The following STRN variants were observed in gnomAD, a reference collection of about 807,000 sequenced individuals.
The protein encoded by STRN is protein phosphatase 2 regulatory subunit B'''alpha.
In STRN, 53 loss-of-function variants were observed where a neutral mutation model predicts 96.3. That is an observed-to-expected ratio of 0.55 (90% CI 0.44 to 0.69). STRN has a LOEUF of 0.69. Among genes scored for constraint, STRN ranks in the 30% least tolerant of loss-of-function variants. STRN has a pLI of 0.00. For synonymous variants in STRN, 428 were observed against 355.9 expected (o/e 1.20, Z -2.28); for missense variants, 987 against 963.9 (o/e 1.02, Z -0.32).
chr2:36,880,636 A>C (rs949162703), intron 9 of STRN, among the ~76,000 whole-genome samples: 1 of 152,182 alleles, frequency 6.6e-6, no homozygotes, highest in Non-Finnish European at 1.5e-5. Context: ...ACATTTACTA[A>C]TGAAGAATAG....
At chr2:36,894,964 T>C (rs1303376270) in intron 6 of STRN, among the ~76,000 whole-genome samples, 1 of 152,104 alleles carries the variant, frequency 6.6e-6, no homozygotes, top group Non-Finnish European at 1.5e-5. Context: ...AAGAAGCCAC[T>C]ACCAACAGAA....
At chr2:36,960,246 T>C (rs1261327003) in intron 1 of STRN, among the ~76,000 whole-genome samples, 1 of 152,240 alleles carries the variant, frequency 6.6e-6, no homozygotes, top group Admixed American at 6.5e-5. Context: ...GAAAAGTTTA[T>C]ATGAATTTCA....
intron 10 of STRN, among the ~76,000 whole-genome samples, chr2:36,873,181 G>A (rs1440909673): frequency 1.3e-5 from 2 of 152,310 alleles, no homozygotes; most frequent in South Asian, 4.1e-4. Context: ...GGAATAAAGC[G>A]ATCCCAGATC....
intron 9 of STRN, 114 bp downstream of exon 9, chr2:36,883,818 G>T (rs1056097446): frequency 1.9e-6 from 2 of 1,049,436 alleles, no homozygotes; most frequent in African/African-American, 1.6e-5. Flanking sequence ...AAACTATGCA[G>T]ATCAAACATC....
At chr2:36,892,776 C>A (rs1669433733) in intron 7 of STRN, among the ~76,000 whole-genome samples, 1 of 152,074 alleles carries the variant, frequency 6.6e-6, no homozygotes, top group Admixed American at 6.5e-5. Context: ...ATCCCAGCAC[C>A]TTGGAAGGCC....
intron 3 of STRN, among the ~76,000 whole-genome samples, chr2:36,909,185 T>TA (rs1214647841): frequency 3.3e-5 from 5 of 150,378 alleles, no homozygotes; most frequent in African/African-American, 1.2e-4. Flanking sequence ...AAATTCAGGT[T>TA]AAAAAAAGAA....
At chr2:36,900,850 G>A (rs1402427681) in intron 5 of STRN, among the ~76,000 whole-genome samples, 1 of 152,018 alleles carries the variant, frequency 6.6e-6, no homozygotes, top group African/African-American at 2.4e-5. Flanking sequence ...CTGAGATCGT[G>A]CCACTGCACT....
intron 4 of STRN, 38 bp from the exon 5 acceptor site, chr2:36,902,789 A>T: frequency 6.7e-7 from 1 of 1,500,548 alleles, no homozygotes; most frequent in Non-Finnish European, 9.0e-7. Flanking sequence ...GTCATACTGG[A>T]ATCAGTATTC....
At position 36,918,931 on chromosome 2, in the gene STRN, G is replaced by C. The variant is rs570147408; in HGVS notation, c.339-2780C>G. The stretch of plus-strand genomic sequence containing the variant: ...CAGATCTTATATCTAGCAACTCCAT[G>C]TTTGATACACAGGTAGGCCCTCCAT... On this transcript the variant is annotated intron_variant, in intron 2 of 17. Coordinates refer to ENST00000263918, the MANE Select transcript of STRN (RefSeq NM_003162.4). Among the ~76,000 whole-genome samples, 57 of 152,218 alleles carry C rather than the reference G, an allele frequency of 3.7e-4. 1 individual carries two copies. The South Asian group carries it at 0.011, about 30-fold the overall frequency.
At chr2:36,951,530 T>A (rs1664752365) in intron 1 of STRN, among the ~76,000 whole-genome samples, 1 of 152,154 alleles carries the variant, frequency 6.6e-6, no homozygotes, top group African/African-American at 2.4e-5. Context: ...ACAAACATGG[T>A]AAATATCAAA....
chr2:36,855,343 A>G lies in STRN; in HGVS notation c.1847T>C (p.Ile616Thr), dbSNP rs1572624135. 6.2e-7 allele frequency: 1 copy of G among 1,613,344 alleles called. No individual in the cohort carries two copies. The highest frequency in any genetic ancestry group is 8.5e-7 in the Non-Finnish European group (1 of 1,179,686). The change falls in exon 15 of 18, where the codon ATC becomes ACC. Residue 616 changes from isoleucine (I) to threonine (T), a missense_variant. Coordinates refer to ENST00000263918, the MANE Select transcript of STRN (RefSeq NM_003162.4). ...SVFNDTKELG[I>T]PASVDLVSSD... ...GCTCACTAGATCCACAGAGGCAGGG[A>G]TTCCCAGTTCTGAAAGAGAACATAT...
intron 3 of STRN, among the ~76,000 whole-genome samples, chr2:36,907,599 C>A (rs565899469): frequency 6.6e-6 from 1 of 152,078 alleles, no homozygotes; most frequent in East Asian, 1.9e-4. Flanking sequence ...GTTAAAAACA[C>A]ATACATTATC....
Position 36,860,182 on chromosome 2 carries a change from A to G in STRN, c.1669+950T>C, listed in dbSNP as rs572504418. On this transcript the variant is annotated intron_variant, in intron 13 of 17. Coordinates refer to ENST00000263918, the MANE Select transcript of STRN (RefSeq NM_003162.4). ...GAGAACAAGAGCAGAAGAGCAAGAGATTAGAATGCAGTCGCAAAGAGACAG... is the reference window on the plus strand; with the variant it reads ...GAGAACAAGAGCAGAAGAGCAAGAGGTTAGAATGCAGTCGCAAAGAGACAG... Among the ~76,000 whole-genome samples the G allele has an allele frequency of 5.9e-5, 9 of 152,332 alleles. No individual in the cohort carries two copies. In the East Asian group the frequency reaches 1.5e-3, roughly 26 times the overall value.
intron 15 of STRN, among the ~76,000 whole-genome samples, chr2:36,854,043 G>A (rs981019412): frequency 2.7e-5 from 4 of 146,678 alleles, no homozygotes; most frequent in African/African-American, 1.0e-4. Context: ...GGATTCACTC[G>A]CCTAGTTCTC....
intron 11 of STRN, among the ~76,000 whole-genome samples, 161 bp downstream of exon 11, chr2:36,869,393 C>T (rs962920518): frequency 6.6e-6 from 1 of 152,268 alleles, no homozygotes; most frequent in African/African-American, 2.4e-5. Flanking sequence ...TCTAACCTAG[C>T]ATTAGGTTGT....
intron 13 of STRN, among the ~76,000 whole-genome samples, chr2:36,859,655 C>T (rs903547026): frequency 6.6e-6 from 1 of 151,964 alleles, no homozygotes. Context: ...TTGTACACTG[C>T]AAAAAGTTAG....
intron 9 of STRN, among the ~76,000 whole-genome samples, chr2:36,880,607 G>A (rs917582348): frequency 9.9e-5 from 15 of 152,060 alleles, no homozygotes; most frequent in African/African-American, 2.7e-4. Flanking sequence ...TATCATCCGA[G>A]AAGTTCAAAC....
chr2:36,941,360 C>T (rs375833407), intron 1 of STRN, among the ~76,000 whole-genome samples: 3 of 152,248 alleles, frequency 2.0e-5, no homozygotes, highest in African/African-American at 7.2e-5. Context: ...AACCCAAGAA[C>T]ACCAGCAGCC....
chr2:36,875,830 T>G (rs1668892377), intron 10 of STRN, among the ~76,000 whole-genome samples: 1 of 152,170 alleles, frequency 6.6e-6, no homozygotes, highest in Non-Finnish European at 1.5e-5. Flanking sequence ...CTAATTTTTT[T>G]GTATTTTTAG....
Sources: allele counts gnomAD v4.1 joint callset (sites outside exome capture counted in the v4.1 genomes callset), GRCh38; gene constraint gnomAD v4.1.1; transcripts MANE v1.5; gene names NCBI Gene and HGNC (gene_info 2026-07-23, HGNC 2026-07-21).